The following GRIK2 variants were observed in gnomAD, a reference collection of about 807,000 sequenced individuals.
The protein encoded by GRIK2 is glutamate receptor ionotropic, kainate 2.
Under a neutral mutation model 100.3 loss-of-function variants are expected in GRIK2, and 32 were observed. The observed-to-expected ratio is 0.32, with a 90% CI of 0.24 to 0.43. The LOEUF (loss-of-function observed/expected upper bound fraction) is 0.43. Ranked by LOEUF, GRIK2 falls within the 20% of genes least tolerant of loss-of-function variation. The pLI is 1.00. For synonymous variants in GRIK2, 417 were observed against 389.4 expected (o/e 1.07, Z -0.83); for missense variants, 843 against 1,114.9 (o/e 0.76, Z 3.47).
chr6:101,431,110 C>T (rs934904237), intron 2 of GRIK2: 4 of 256,000 alleles, frequency 1.6e-5, no homozygotes, highest in African/African-American at 6.9e-5. Context: ...GTCAACTTCT[C>T]TCTGTTGGCC....
chr6:102,006,522 C>T (rs1327432020), intron 14 of GRIK2, among the ~76,000 whole-genome samples: 1 of 151,510 alleles, frequency 6.6e-6, no homozygotes, highest in Non-Finnish European at 1.5e-5. Flanking sequence ...CATACACCTC[C>T]ACTCCTGGCT....
intron 2 of GRIK2, among the ~76,000 whole-genome samples, chr6:101,527,020 T>TCA (rs1371243972): frequency 1.3e-5 from 2 of 152,140 alleles, no homozygotes; most frequent in Non-Finnish European, 2.9e-5. Flanking sequence ...ATGAATGTTT[T>TCA]CATGTCCTTT....
Position 101,635,901 on chromosome 6 carries a change from T to G in GRIK2, c.541+9264T>G, listed in dbSNP as rs989651711. On this transcript the variant is annotated intron_variant, in intron 4 of 16. Coordinates refer to ENST00000369134, the MANE Select transcript of GRIK2 (RefSeq NM_021956.5). ...AATAGCAATGCTTTTACACTGTTGG[T>G]AGGAGTGTAAATTAGTTCAACCATT... Among the ~76,000 whole-genome samples, 3 of 152,270 alleles carry G rather than the reference T, an allele frequency of 2.0e-5. No homozygotes were observed. The East Asian group carries it at 5.8e-4, about 29-fold the overall frequency.
At chr6:101,537,706 A>G (rs988607058) in intron 2 of GRIK2, among the ~76,000 whole-genome samples, 1 of 151,812 alleles carries the variant, frequency 6.6e-6, no homozygotes, top group Non-Finnish European at 1.5e-5. Flanking sequence ...TTGAAGAAAC[A>G]TGACTAGAGT....
chr6:102,041,965 A>T (rs528256541), intron 15 of GRIK2, among the ~76,000 whole-genome samples: 4 of 151,722 alleles, frequency 2.6e-5, no homozygotes, highest in African/African-American at 9.6e-5. Flanking sequence ...AACCAGCTGG[A>T]AACCTGTTTC....
intron 2 of GRIK2, among the ~76,000 whole-genome samples, chr6:101,532,437 A>C (rs760305565): frequency 5.9e-5 from 9 of 151,968 alleles, no homozygotes; most frequent in African/African-American, 1.9e-4. Context: ...ATTCCGATAG[A>C]ATAGAGACTT....
intron 2 of GRIK2, among the ~76,000 whole-genome samples, chr6:101,611,939 A>G (rs1779695448): frequency 6.6e-6 from 1 of 151,930 alleles, no homozygotes; most frequent in Non-Finnish European, 1.5e-5. Flanking sequence ...TTATATGGAC[A>G]TAAAACTCTT....
intron 7 of GRIK2, among the ~76,000 whole-genome samples, chr6:101,744,188 C>T (rs149725485): frequency 0.012 from 1,896 of 151,918 alleles, 38 homozygotes; most frequent in African/African-American, 0.044. Context: ...ATGATCCGCC[C>T]GCCTCGGCCT....
intron 2 of GRIK2, among the ~76,000 whole-genome samples, chr6:101,465,019 A>T (rs1771567468): frequency 6.6e-6 from 1 of 152,172 alleles, no homozygotes; most frequent in African/African-American, 2.4e-5. Context: ...TCCCTTTAAT[A>T]GTTCCAAAAA....
intron 2 of GRIK2, among the ~76,000 whole-genome samples, chr6:101,612,951 A>C (rs1406196085): frequency 6.6e-6 from 1 of 151,862 alleles, no homozygotes; most frequent in East Asian, 1.9e-4. Flanking sequence ...CTTTGTAAAT[A>C]GCATTAAGCT....
intron 11 of GRIK2, among the ~76,000 whole-genome samples, chr6:101,862,061 CT>C (rs1046207179): frequency 6.6e-6 from 1 of 152,036 alleles, no homozygotes; most frequent in South Asian, 2.1e-4. Context: ...AAACAGTTTC[CT>C]TTTTTTAGAA....
chr6:101,733,801 C>T (rs1162200023), intron 7 of GRIK2, among the ~76,000 whole-genome samples: 1 of 143,356 alleles, frequency 7.0e-6, no homozygotes, highest in Non-Finnish European at 1.5e-5. Context: ...TAGAAATCTC[C>T]TCAGCTAATT....
At chr6:101,782,454 G>A (rs558914867) in intron 7 of GRIK2, among the ~76,000 whole-genome samples, 1 of 152,270 alleles carries the variant, frequency 6.6e-6, no homozygotes, top group African/African-American at 2.4e-5. Flanking sequence ...GTGAGAACAT[G>A]TGATCTTACT....
chr6:101,984,652 CA>C (rs1403137715), intron 14 of GRIK2, among the ~76,000 whole-genome samples: 33 of 150,736 alleles, frequency 2.2e-4, no homozygotes, highest in African/African-American at 2.9e-4. Flanking sequence ...CACACACACA[CA>C]CACCCTTCAA....
intron 9 of GRIK2, among the ~76,000 whole-genome samples, chr6:101,813,087 C>CTA (rs1490597342): frequency 1.3e-5 from 2 of 151,900 alleles, no homozygotes; most frequent in East Asian, 1.9e-4. Flanking sequence ...CATAAATGTA[C>CTA]TATATATAGA....
At chr6:101,417,992 G>T (rs1776230708) in intron 2 of GRIK2, among the ~76,000 whole-genome samples, 1 of 152,222 alleles carries the variant, frequency 6.6e-6, no homozygotes, top group African/African-American at 2.4e-5. Context: ...TTCTACAACA[G>T]ACTGTCTCTC....
chr6:101,900,436 C>A (rs568331156), intron 12 of GRIK2, among the ~76,000 whole-genome samples: 5 of 152,256 alleles, frequency 3.3e-5, no homozygotes, highest in African/African-American at 1.2e-4. Context: ...GAGATCGCGC[C>A]ATTGCACTCC....
intron 10 of GRIK2, among the ~76,000 whole-genome samples, chr6:101,839,709 A>T (rs1783376566): frequency 6.6e-6 from 1 of 152,126 alleles, no homozygotes; most frequent in Non-Finnish European, 1.5e-5. Flanking sequence ...CTCTAAAGGG[A>T]TGAGGGAAAG....
intron 2 of GRIK2, among the ~76,000 whole-genome samples, chr6:101,473,097 TTTCCTTCCTTCCTTCC>T (rs202063345): frequency 0.22 from 29,310 of 133,200 alleles, 3,574 homozygotes; most frequent in African/African-American, 0.31. Flanking sequence ...AATCCTAGGT[TTTCCTTCCTTCCTTCC>T]TTCCTTCCTT....
Sources: allele counts gnomAD v4.1 joint callset (sites outside exome capture counted in the v4.1 genomes callset), GRCh38; gene constraint gnomAD v4.1.1; transcripts MANE v1.5; gene names NCBI Gene and HGNC (gene_info 2026-07-23, HGNC 2026-07-21).